The following UFD1 variants were observed in gnomAD, a reference collection of about 807,000 sequenced individuals.
The protein encoded by UFD1 is ubiquitin recognition factor in ER-associated degradation protein 1.
In UFD1, 13 loss-of-function variants were observed where a neutral mutation model predicts 45.9. That is an observed-to-expected ratio of 0.28 (90% CI 0.18 to 0.45). The LOEUF is 0.45. Ranked by LOEUF, UFD1 falls within the 20% of genes least tolerant of loss-of-function variation. The pLI is 1.00. For synonymous variants in UFD1, 128 were observed against 139.2 expected (o/e 0.92, Z 0.56); for missense variants, 218 against 389.2 (o/e 0.56, Z 3.70).
intron 6 of UFD1, among the ~76,000 whole-genome samples, chr22:19,461,078 G>A (rs113082422): frequency 1.1e-4 from 17 of 152,170 alleles, no homozygotes; most frequent in African/African-American, 4.1e-4. Context: ...TGTCTCCCAT[G>A]AGTTTGACTA....
chr22:19,461,819 T>G (rs928000753), intron 6 of UFD1, among the ~76,000 whole-genome samples: 3 of 152,174 alleles, frequency 2.0e-5, no homozygotes, highest in Non-Finnish European at 2.9e-5. Context: ...CTGTTTGTTT[T>G]TTTTTTTCTT....
chr22:19,472,627 C>T (rs953707623), intron 3 of UFD1, among the ~76,000 whole-genome samples: 1 of 152,206 alleles, frequency 6.6e-6, no homozygotes. Flanking sequence ...AGACACTGGG[C>T]CCCCGGGAGA....
Position 19,454,777 on chromosome 22 carries a change from G to A in UFD1, c.821C>T (p.Ser274Leu). 1 of 1,614,098 alleles carries A rather than the reference G, an allele frequency of 6.2e-7. No homozygotes were observed. Residue 274 changes from serine to leucine, a missense_variant, in exon 11 of 12, where the codon TCA (serine) becomes TTA (leucine). Physicochemically the swap from Ser to Leu is moderately radical, Grantham distance 145. Around this residue, in one of 2 missense-constraint regions of UFD1, gnomAD observed 69 missense variants for 81.7 expected, o/e 0.84. Transcript: ENST00000263202. ...TTCAACCTTTTTGACAAGGGGACGT[G>A]AATTTCTGATGAAAGTTATCTTACC... ...KLGKITFIRN[S>L]RPLVKKVEED...
chr22:19,462,524 A>G lies in UFD1; in HGVS notation c.495+2678T>C, dbSNP rs1466333013. On this transcript the variant is annotated intron_variant, in intron 6 of 11. Transcript: ENST00000263202. ...CTACTAAAAATACAAAAGTAGCCGC[A>G]AGTGGTGGCACATGCCTGTAGTCCC... Among the ~76,000 whole-genome samples the G allele has an allele frequency of 6.6e-5, 10 of 151,918 alleles. 2 individuals are homozygous for G. Among genetic ancestry groups the G allele is most frequent in the Admixed American group, 6.5e-4 (10 of 15,274 alleles).
In UFD1 at chr22:19,450,056, A is replaced by AGCCAGTT. The variant is rs1242503675; in HGVS notation, c.*607_*613dup. On this transcript the variant is annotated 3_prime_UTR_variant, in exon 12 of 12. Coordinates refer to ENST00000263202, the MANE Select transcript of UFD1 (RefSeq NM_005659.7). Reference sequence around the variant, plus strand: ...TTCACTATGAACAGGTTCACTAAGGAGCCAGTTATGTCCATATGAAATGAG... The same window carrying AGCCAGTT: ...TTCACTATGAACAGGTTCACTAAGGAGCCAGTTGCCAGTTATGTCCATATGAAATGAG... 6.6e-6 allele frequency: 1 copy of AGCCAGTT among 152,266 alleles called. No homozygotes were observed. The highest frequency in any genetic ancestry group is 2.1e-4 in the South Asian group (1 of 4,836). The allele number at this position is 152,266 out of a possible 1,614,324, so 9.4% of individuals were successfully genotyped here. A position where few individuals can be genotyped will look rare whatever the true frequency, so the allele number is the denominator to read the frequency against.
chr22:19,451,846 C>T (rs2089685403), intron 11 of UFD1: 2 of 985,472 alleles, frequency 2.0e-6, no homozygotes, highest in Non-Finnish European at 2.4e-6. Context: ...TTTTGACAAA[C>T]CTGTGTCTCC....
intron 4 of UFD1, among the ~76,000 whole-genome samples, chr22:19,469,107 G>C (rs930546049): frequency 1.3e-5 from 2 of 152,194 alleles, no homozygotes; most frequent in African/African-American, 4.8e-5. Flanking sequence ...CAGAAATAGA[G>C]GGTGGTCACT....
rs1052766589 is a variant in UFD1 at position 19,467,875 on chromosome 22, G to A, written c.420C>T (p.Ala140=). 2 of 1,613,926 alleles carry A rather than the reference G, an allele frequency of 1.2e-6. No individual in the cohort carries two copies. Among genetic ancestry groups the A allele is most frequent in the Non-Finnish European group, 1.7e-6 (2 of 1,179,966 alleles). The stretch of plus-strand genomic sequence containing the variant: ...CTCCGCTTATTTGAAAAAGATACAC[G>A]GCTTTGGGGTTGGTGATGTCCAGGA... ...PDFLDITNPK[A]VLENALRNFA... The change falls in exon 5 of 12, where the codon GCC becomes GCT. Residue 140 remains alanine, a splice_region_variant and synonymous_variant. Coordinates refer to ENST00000263202, the MANE Select transcript of UFD1 (RefSeq NM_005659.7).
chr22:19,460,014 G>A (rs946963211), intron 6 of UFD1, among the ~76,000 whole-genome samples: 1 of 151,846 alleles, frequency 6.6e-6, no homozygotes, highest in Non-Finnish European at 1.5e-5. Context: ...TGGGATTACA[G>A]GCATGGGCCA....
At chr22:19,471,604 T>C (rs2089846342) in intron 4 of UFD1, 83 bp downstream of exon 4, 2 of 1,556,640 alleles carry the variant, frequency 1.3e-6, no homozygotes, top group Non-Finnish European at 1.7e-6. Flanking sequence ...CGGGGCCACC[T>C]GCTCCAGGGC....
chr22:19,470,187 C>G, intron 4 of UFD1: 1 of 431,880 alleles, frequency 2.3e-6, no homozygotes, highest in Non-Finnish European at 4.7e-6. Flanking sequence ...CCAATCTGGG[C>G]TTTGAGGCAT....
intron 4 of UFD1, chr22:19,470,855 C>T: frequency 2.2e-6 from 1 of 457,172 alleles, no homozygotes; most frequent in South Asian, 1.5e-5. Flanking sequence ...TGCTTCAGAC[C>T]ACCTCCCTGG....
Position 19,479,070 on chromosome 22 carries a change from C to T in UFD1, c.3+13G>A, listed in dbSNP as rs771646048. The stretch of plus-strand genomic sequence containing the variant: ...CAAGGCCCAGCCCCCGCCCGCTGCC[C>T]GTCAGCGCTTACCATGATGGACACC... On this transcript the variant is annotated intron_variant, in intron 1 of 11. Coordinates refer to ENST00000263202, the MANE Select transcript of UFD1 (RefSeq NM_005659.7). The T allele has an allele frequency of 3.5e-5, 57 of 1,611,214 alleles. No homozygotes were observed. In the East Asian group the frequency reaches 1.2e-3, roughly 35 times the overall value.
At chr22:19,452,306 T>A (rs1365835371) in intron 11 of UFD1, 1 of 152,356 alleles carries the variant, frequency 6.6e-6, no homozygotes, top group East Asian at 1.9e-4. Context: ...GGACACCAGA[T>A]TGAATTATGG....
intron 1 of UFD1, 53 bp downstream of exon 1, chr22:19,479,029 AC>A (rs2089923250): frequency 1.3e-6 from 2 of 1,565,256 alleles, no homozygotes; most frequent in South Asian, 2.3e-5. Flanking sequence ...GCCGGGCCCT[AC>A]CTCAGGCCCC....
intron 6 of UFD1, among the ~76,000 whole-genome samples, chr22:19,460,798 C>A (rs1217155594): frequency 3.3e-5 from 5 of 150,608 alleles, no homozygotes; most frequent in Non-Finnish European, 5.9e-5. Context: ...CTTGCTCAGT[C>A]CCCCAGGCTG....
At chr22:19,460,237 G>A (rs968297604) in intron 6 of UFD1, among the ~76,000 whole-genome samples, 6 of 152,142 alleles carry the variant, frequency 3.9e-5, no homozygotes, top group Non-Finnish European at 8.8e-5. Flanking sequence ...ATTTTGCTGT[G>A]TTAATGACAC....
intron 6 of UFD1, among the ~76,000 whole-genome samples, chr22:19,462,767 G>A (rs185961004): frequency 1.3e-5 from 2 of 152,096 alleles, no homozygotes; most frequent in Admixed American, 6.5e-5. Flanking sequence ...TGCTTTATAT[G>A]GCAACATTTA....
rs888945450 is a variant in UFD1, at chr22:19,453,914, G to T, written c.849+835C>A. On this transcript the variant is annotated intron_variant, in intron 11 of 11. Transcript: ENST00000263202. ...AGAAAAGGAACCAGGAGAGCGATGGGTCTGAAGCGCTGGTGTTGTAGAAAT... is the reference window on the plus strand; with the variant it reads ...AGAAAAGGAACCAGGAGAGCGATGGTTCTGAAGCGCTGGTGTTGTAGAAAT... 7.1e-6 allele frequency: 7 copies of T among 985,464 alleles called. No individual in the cohort carries two copies. In the African/African-American group the frequency reaches 1.2e-4, roughly 17 times the overall value. The allele number at this position is 985,464 out of a possible 1,614,324, so 61.0% of individuals were successfully genotyped here.
Sources: gnomAD v4.1 joint callset for allele counts (sites outside exome capture counted in the v4.1 genomes callset) on GRCh38, gnomAD v4.1.1 for gene constraint, gnomAD v4.1.1 regional missense constraint, MANE v1.5 for transcripts, NCBI Gene and HGNC (gene_info 2026-07-23, HGNC 2026-07-21) for gene names.